The following SANBR variants were observed in gnomAD, a reference collection of about 807,000 sequenced individuals.
SANBR encodes SANT and BTB domain regulator of CSR.
SANBR carries 77 observed loss-of-function variants against 101.8 expected under a neutral mutation model. The observed-to-expected ratio is 0.76, with a 90% CI of 0.63 to 0.91. The LOEUF (loss-of-function observed/expected upper bound fraction) is 0.91, where lower values mean the gene tolerates loss of function less well. Among genes scored for constraint, SANBR ranks in the 40% least tolerant of loss-of-function variants. The pLI, the probability that SANBR is intolerant of heterozygous loss-of-function variation, is 0.00. For synonymous variants in SANBR, 279 were observed against 274.7 expected (o/e 1.02, Z -0.15); for missense variants, 875 against 853.0 (o/e 1.03, Z -0.32).
At position 61,109,207 on chromosome 2, in the gene SANBR, C is replaced by A; in HGVS notation, c.1655C>A (p.Ser552Ter). Residue 552 changes from serine (S) to a stop codon, truncating the protein, a stop_gained, in exon 16 of 22, where the codon TCA (serine) becomes TAA (stop). Coordinates refer to ENST00000402291, the MANE Select transcript of SANBR (RefSeq NM_001129993.3). LOFTEE classifies it high-confidence loss of function. ...TTTTTTTTAACTTAGAAACAACAGT[C>A]ACTGTTTTCAGAAGAAGAAGAATAT... is the stretch of plus-strand genomic sequence containing the variant. ...KNWTLQLKQQ[S>*]LFSEEEEYTT... is the part of the protein sequence containing the mutation. 2 of 1,487,596 alleles carry A rather than the reference C, an allele frequency of 1.3e-6. No homozygotes were observed. The highest frequency in any genetic ancestry group is 1.8e-6 in the Non-Finnish European group (2 of 1,106,926). The allele number at this position is 1,487,596 out of a possible 1,614,324, so 92.1% of individuals were successfully genotyped here. A position where few individuals can be genotyped will look rare whatever the true frequency, so the allele number is the denominator to read the frequency against.
chr2:61,136,204 T>C (rs540860166), intron 21 of SANBR, among the ~76,000 whole-genome samples: 1 of 151,004 alleles, frequency 6.6e-6, no homozygotes, highest in South Asian at 2.1e-4. Context: ...CTCGGGAGAC[T>C]ATGGCAGGAG....
chr2:61,108,097 G>T (rs1024412047), intron 14 of SANBR, among the ~76,000 whole-genome samples: 1 of 152,024 alleles, frequency 6.6e-6, no homozygotes, highest in South Asian at 2.1e-4. Context: ...AATAATACTG[G>T]GAAAGTGTCT....
intron 10 of SANBR, among the ~76,000 whole-genome samples, chr2:61,091,001 C>T (rs1372823953): frequency 6.6e-6 from 1 of 151,662 alleles, no homozygotes; most frequent in African/African-American, 2.4e-5. Context: ...CTCCACCTCC[C>T]AGGTTCAAGC....
chr2:61,067,668 G>C (rs1681250899), intron 1 of SANBR, among the ~76,000 whole-genome samples: 1 of 152,046 alleles, frequency 6.6e-6, no homozygotes, highest in Non-Finnish European at 1.5e-5. Context: ...CCCGGGAGGC[G>C]GAGGTTGCAG....
intron 21 of SANBR, among the ~76,000 whole-genome samples, chr2:61,136,061 C>T (rs2698194): frequency 0.45 from 68,676 of 151,992 alleles, 15,995 homozygotes; most frequent in African/African-American, 0.56. Flanking sequence ...TCCCAGCACT[C>T]TGGGAGGCCG....
Position 61,109,203 on chromosome 2 carries a change from C to A in SANBR, c.1651C>A (p.Gln551Lys). Residue 551 changes from glutamine to lysine, a missense_variant, in exon 16 of 22, where the codon CAG (glutamine) becomes AAG (lysine). Gln to Lys is a moderately conservative substitution (Grantham distance 53). Transcript: ENST00000402291. The stretch of plus-strand genomic sequence containing the variant: ...AGATTTTTTTTTAACTTAGAAACAA[C>A]AGTCACTGTTTTCAGAAGAAGAAGA... The part of the protein sequence containing the change: ...LKNWTLQLKQ[Q>K]SLFSEEEEYT... The A allele has an allele frequency of 2.0e-6, 3 of 1,466,956 alleles. No individual in the cohort carries two copies. The highest frequency in any genetic ancestry group is 3.0e-5 in the South Asian group (2 of 66,824). 90.9% of individuals were successfully genotyped at this position (1,466,956 alleles called of 1,614,324 possible). A position where few individuals can be genotyped will look rare whatever the true frequency, so the allele number is the denominator to read the frequency against.
chr2:61,123,563 T>C lies in SANBR; in HGVS notation c.*1401T>C. On this transcript the variant is annotated 3_prime_UTR_variant, in exon 22 of 22. Coordinates refer to ENST00000402291, the MANE Select transcript of SANBR (RefSeq NM_001129993.3). Reference sequence around the variant, plus strand: ...AATGTCTTGTAGTACATATTATATGTAAGTACTCTGTTAAATACCAGAGTT... The same window carrying C: ...AATGTCTTGTAGTACATATTATATGCAAGTACTCTGTTAAATACCAGAGTT... 1 of 965,518 alleles carries C rather than the reference T, an allele frequency of 1.0e-6. No homozygotes were observed. Among genetic ancestry groups the C allele is most frequent in the South Asian group, 4.8e-5 (1 of 20,848 alleles). The allele number at this position is 965,518 out of a possible 1,614,324, so 59.8% of individuals were successfully genotyped here. A position where few individuals can be genotyped will look rare whatever the true frequency, so the allele number is the denominator to read the frequency against.
chr2:61,123,461 G>A lies in SANBR; in HGVS notation c.*1299G>A. On this transcript the variant is annotated 3_prime_UTR_variant, in exon 22 of 22. Transcript: ENST00000402291. ...GCTTTGCCAAGGTTTTTGAACTGCT[G>A]TTTAGAAATTTTGTTCCCATTTATA... The A allele has an allele frequency of 1.0e-6, 1 of 982,010 alleles. No individual in the cohort carries two copies. Among genetic ancestry groups the A allele is most frequent in the Non-Finnish European group, 1.2e-6 (1 of 826,778 alleles). 60.8% of individuals were successfully genotyped at this position (982,010 alleles called of 1,614,324 possible).
At chr2:61,104,200 T>C (rs772144402) in intron 13 of SANBR, among the ~76,000 whole-genome samples, 1 of 151,924 alleles carries the variant, frequency 6.6e-6, no homozygotes, top group Non-Finnish European at 1.5e-5. Context: ...ATACTGGAGG[T>C]GGCTGGGCGC....
At position 61,088,405 on chromosome 2, in the gene SANBR, T is replaced by A. The variant is rs377703308; in HGVS notation, c.1025T>A (p.Ile342Asn). ...TTAACAAAAGAAACAGAAAGAAGAATTCCTTGCATTCCTGGAAAAATCAAT... is the reference window on the plus strand; with the variant it reads ...TTAACAAAAGAAACAGAAAGAAGAAATCCTTGCATTCCTGGAAAAATCAAT... ...KLLTKETERRIPCIPGKINVD... is the reference protein window; with the variant it reads ...KLLTKETERRNPCIPGKINVD... The change falls in exon 10 of 22, where the codon ATT (isoleucine) becomes AAT (asparagine). Residue 342 changes from isoleucine (I) to asparagine (N), a missense_variant. Coordinates refer to ENST00000402291, the MANE Select transcript of SANBR (RefSeq NM_001129993.3). The A allele has an allele frequency of 1.9e-6, 3 of 1,607,570 alleles. No homozygotes were observed. Among genetic ancestry groups the A allele is most frequent in the Non-Finnish European group, 2.5e-6 (3 of 1,177,216 alleles).
At chr2:61,134,183 G>T in exon 21 of SANBR, 1 of 1,613,084 alleles carries the variant, frequency 6.2e-7, no homozygotes, top group African/African-American at 1.3e-5. Context: ...AAGAGCAACA[G>T]AAAAAGTGGT....
chr2:61,127,689 GA>G (rs1260866992), downstream of SANBR, among the ~76,000 whole-genome samples: 1 of 151,216 alleles, frequency 6.6e-6, no homozygotes, highest in Non-Finnish European at 1.5e-5. Flanking sequence ...ATTATAAACA[GA>G]AAAAAAGAAT....
chr2:61,102,161 C>T (rs1331503216), intron 12 of SANBR, among the ~76,000 whole-genome samples: 3 of 151,684 alleles, frequency 2.0e-5, no homozygotes, highest in Admixed American at 2.0e-4. Context: ...ATCATGAGGT[C>T]AAGAGATCGA....
At chr2:61,112,421 T>C (rs572217482) in intron 16 of SANBR, among the ~76,000 whole-genome samples, 1 of 152,228 alleles carries the variant, frequency 6.6e-6, no homozygotes, top group African/African-American at 2.4e-5. Flanking sequence ...GTATATACTT[T>C]AGATCTAAGT....
intron 12 of SANBR, among the ~76,000 whole-genome samples, chr2:61,103,280 G>C (rs184553596): frequency 6.6e-6 from 1 of 151,832 alleles, no homozygotes; most frequent in Non-Finnish European, 1.5e-5. Context: ...TGGGACTGGA[G>C]GCATGCACCA....
intron 12 of SANBR, among the ~76,000 whole-genome samples, chr2:61,100,445 G>C (rs1683229058): frequency 6.6e-6 from 1 of 152,142 alleles, no homozygotes; most frequent in South Asian, 2.1e-4. Flanking sequence ...AAAAGTCAGT[G>C]GGAAGGATCC....
intron 3 of SANBR, 98 bp downstream of exon 3, chr2:61,070,598 A>G: frequency 9.1e-7 from 1 of 1,096,024 alleles, no homozygotes; most frequent in Admixed American, 2.5e-5. Context: ...TGAGTTTTAC[A>G]TATTCAAATG....
intron 10 of SANBR, chr2:61,088,794 T>C: frequency 1.1e-6 from 1 of 899,072 alleles, no homozygotes; most frequent in Non-Finnish European, 1.3e-6. Flanking sequence ...ACTGGGATTA[T>C]AGGTGTGAGC....
chr2:61,093,834 T>C (rs560091721), intron 11 of SANBR, among the ~76,000 whole-genome samples: 4 of 152,326 alleles, frequency 2.6e-5, no homozygotes, highest in Admixed American at 2.0e-4. Context: ...TTAATGTTTA[T>C]AATAAAAGCA....
Sources: gnomAD v4.1 joint callset for allele counts (sites outside exome capture counted in the v4.1 genomes callset) on GRCh38, gnomAD v4.1.1 for gene constraint, MANE v1.5 for transcripts, NCBI Gene and HGNC (gene_info 2026-07-23, HGNC 2026-07-21) for gene names.